ZNF804B: variants seen among roughly 807,000 people sequenced by gnomAD.
ZNF804B encodes the protein zinc finger 804B.
ZNF804B carries 80 observed loss-of-function variants against 101.4 expected under a neutral mutation model. That is an observed-to-expected ratio of 0.79 (90% CI 0.66 to 0.95). ZNF804B has a LOEUF of 0.95. Ranked by LOEUF, ZNF804B falls within the 40% of genes least tolerant of loss-of-function variation. ZNF804B has a pLI of 0.00. For synonymous variants in ZNF804B, 622 were observed against 558.8 expected (o/e 1.11, Z -1.59); for missense variants, 1,673 against 1,561.9 (o/e 1.07, Z -1.20).
At chr7:88,876,951 T>C (rs1199742602) in intron 1 of ZNF804B, among the ~76,000 whole-genome samples, 1 of 129,408 alleles carries the variant, frequency 7.7e-6, no homozygotes, top group Non-Finnish European at 1.6e-5. Context: ...AGCTTTACCT[T>C]AAAAACATCA....
chr7:89,058,424 T>A (rs1191487824), intron 1 of ZNF804B, among the ~76,000 whole-genome samples: 1 of 152,118 alleles, frequency 6.6e-6, no homozygotes, highest in East Asian at 1.9e-4. Flanking sequence ...ATAAAAAGAT[T>A]AACAATGGAT....
chr7:88,981,474 G>A (rs1043009726), intron 1 of ZNF804B, among the ~76,000 whole-genome samples: 3 of 152,182 alleles, frequency 2.0e-5, no homozygotes, highest in Middle Eastern at 6.8e-3. Context: ...TGAGGAAAGA[G>A]TAACACAGCA....
At chr7:88,929,567 T>G (rs1792852496) in intron 1 of ZNF804B, among the ~76,000 whole-genome samples, 1 of 151,970 alleles carries the variant, frequency 6.6e-6, no homozygotes, top group Non-Finnish European at 1.5e-5. Flanking sequence ...TAAAGACACT[T>G]GATATCCCAG....
chr7:89,091,287 A>G (rs1789882565), intron 1 of ZNF804B, among the ~76,000 whole-genome samples: 1 of 152,194 alleles, frequency 6.6e-6, no homozygotes, highest in African/African-American at 2.4e-5. Flanking sequence ...TAAATCACAC[A>G]TCATTTTAAA....
chr7:88,872,098 C>T (rs1791836448), intron 1 of ZNF804B, among the ~76,000 whole-genome samples: 1 of 152,088 alleles, frequency 6.6e-6, no homozygotes. Flanking sequence ...AAAACTCAGA[C>T]AAAAATGGAT....
chr7:88,816,680 GAGATACCATCTCACACC>G (rs1790884100), intron 1 of ZNF804B, among the ~76,000 whole-genome samples: 1 of 144,564 alleles, frequency 6.9e-6, no homozygotes, highest in African/African-American at 2.6e-5. Flanking sequence ...AAACCACAAT[GAGATACCATCTCACACC>G]AGTTAGAATG....
intron 1 of ZNF804B, among the ~76,000 whole-genome samples, chr7:88,898,234 C>T (rs984695164): frequency 6.6e-6 from 1 of 151,512 alleles, no homozygotes. Flanking sequence ...CTACAGGCGC[C>T]CGCCACCACG....
chr7:89,232,693 C>T (rs1254575357), intron 2 of ZNF804B, among the ~76,000 whole-genome samples: 1 of 152,110 alleles, frequency 6.6e-6, no homozygotes, highest in African/African-American at 2.4e-5. Flanking sequence ...TATCATAATA[C>T]TTTTAATATA....
chr7:89,051,941 G>A (rs2116266909), intron 1 of ZNF804B, among the ~76,000 whole-genome samples: 1 of 152,146 alleles, frequency 6.6e-6, no homozygotes, highest in East Asian at 1.9e-4. Flanking sequence ...AGGAAGAAGT[G>A]TTAGCTATTA....
At chr7:88,882,899 A>G (rs1409731005) in intron 1 of ZNF804B, among the ~76,000 whole-genome samples, 1 of 151,992 alleles carries the variant, frequency 6.6e-6, no homozygotes, top group East Asian at 1.9e-4. Context: ...AAAATTACCT[A>G]TTGAGTACTA....
At chr7:89,268,138 G>A (rs899548404) in intron 2 of ZNF804B, among the ~76,000 whole-genome samples, 1 of 152,010 alleles carries the variant, frequency 6.6e-6, no homozygotes. Flanking sequence ...CTTACTAAAA[G>A]TAATGACTAC....
chr7:89,155,047 A>C (rs1324570829), intron 1 of ZNF804B, among the ~76,000 whole-genome samples: 1 of 152,126 alleles, frequency 6.6e-6, no homozygotes, highest in East Asian at 1.9e-4. Context: ...AAAAAATTAA[A>C]AATTAAAAAA....
At chr7:88,879,717 A>T (rs930964727) in intron 1 of ZNF804B, among the ~76,000 whole-genome samples, 1 of 152,106 alleles carries the variant, frequency 6.6e-6, no homozygotes, top group Non-Finnish European at 1.5e-5. Flanking sequence ...AAGCTTCCCG[A>T]GTTAAGTCTA....
intron 1 of ZNF804B, among the ~76,000 whole-genome samples, chr7:88,965,692 C>T (rs1379001120): frequency 6.6e-6 from 1 of 151,392 alleles, no homozygotes; most frequent in Non-Finnish European, 1.5e-5. Context: ...TAAGTTTGTC[C>T]TTACAAGCCA....
At chr7:89,298,141 A>C (rs796120986) in intron 2 of ZNF804B, among the ~76,000 whole-genome samples, 2 of 87,144 alleles carry the variant, frequency 2.3e-5, no homozygotes, top group African/African-American at 9.1e-5. Flanking sequence ...ATATATATAT[A>C]TCATATATAT....
intron 1 of ZNF804B, among the ~76,000 whole-genome samples, chr7:88,990,461 C>A (rs1793829373): frequency 6.6e-6 from 1 of 151,966 alleles, no homozygotes; most frequent in South Asian, 2.1e-4. Context: ...TCATTTAATC[C>A]TCCACCAATC....
intron 1 of ZNF804B, among the ~76,000 whole-genome samples, chr7:89,122,973 C>T (rs762599153): frequency 1.3e-5 from 2 of 152,018 alleles, no homozygotes; most frequent in Non-Finnish European, 2.9e-5. Context: ...TATTGCCATC[C>T]CAATCTCTAC....
At chr7:89,151,232 A>T (rs561518111) in intron 1 of ZNF804B, among the ~76,000 whole-genome samples, 1 of 152,236 alleles carries the variant, frequency 6.6e-6, no homozygotes, top group East Asian at 1.9e-4. Flanking sequence ...TTAAGGAAAC[A>T]AAATGTGGTA....
intron 1 of ZNF804B, among the ~76,000 whole-genome samples, chr7:88,789,395 A>G (rs1045048828): frequency 1.1e-4 from 16 of 152,110 alleles, no homozygotes; most frequent in African/African-American, 3.6e-4. Context: ...TAAATGGGAG[A>G]ATACTGTTAT....
Sources: gnomAD v4.1 joint callset for allele counts (sites outside exome capture counted in the v4.1 genomes callset) on GRCh38, gnomAD v4.1.1 for gene constraint, MANE v1.5 for transcripts, NCBI Gene and HGNC (gene_info 2026-07-23, HGNC 2026-07-21) for gene names.